KCNIP1: variants seen among roughly 807,000 people sequenced by gnomAD.
The protein encoded by KCNIP1 is A-type potassium channel modulatory protein KCNIP1.
A neutral mutation model predicts 33.0 loss-of-function variants in KCNIP1; 18 were observed. The ratio of observed to expected loss-of-function variants is 0.55; its 90% confidence interval spans 0.38 to 0.81. The LOEUF (loss-of-function observed/expected upper bound fraction) is 0.81, where lower values mean the gene tolerates loss of function less well. Ranked by LOEUF, KCNIP1 falls within the 30% of genes least tolerant of loss-of-function variation. KCNIP1 has a pLI of 0.00. For missense variants in KCNIP1, 238 were observed against 271.6 expected (o/e 0.88, Z 0.87); for synonymous variants, 93 against 98.3 (o/e 0.95, Z 0.32).
chr5:170,452,412 G>A (rs1756276372), intron 1 of KCNIP1, among the ~76,000 whole-genome samples: 1 of 152,174 alleles, frequency 6.6e-6, no homozygotes, highest in African/African-American at 2.4e-5. Flanking sequence ...GGTAGCCATG[G>A]GCACCTCTGA....
At chr5:170,371,011 C>A (rs779785060) in intron 1 of KCNIP1, among the ~76,000 whole-genome samples, 1 of 152,156 alleles carries the variant, frequency 6.6e-6, no homozygotes, top group Non-Finnish European at 1.5e-5. Context: ...TTCTAGAGCG[C>A]ATGATTAAAC....
At chr5:170,662,261 A>G (rs527928898) in intron 1 of KCNIP1, among the ~76,000 whole-genome samples, 3 of 152,254 alleles carry the variant, frequency 2.0e-5, no homozygotes, top group African/African-American at 7.2e-5. Flanking sequence ...CAGTCTAGGT[A>G]GGGTGTTCTT....
intron 1 of KCNIP1, among the ~76,000 whole-genome samples, chr5:170,543,390 G>T (rs1294890984): frequency 6.6e-6 from 1 of 152,096 alleles, no homozygotes; most frequent in Non-Finnish European, 1.5e-5. Flanking sequence ...GCCAAATCTT[G>T]AAAAAATAAA....
intron 5 of KCNIP1, among the ~76,000 whole-genome samples, chr5:170,723,323 C>T (rs1432563772): frequency 6.6e-6 from 1 of 152,162 alleles, no homozygotes; most frequent in Non-Finnish European, 1.5e-5. Context: ...CAGAAATTAT[C>T]ACAAATAATT....
chr5:170,609,979 C>T (rs1759082020), intron 1 of KCNIP1, among the ~76,000 whole-genome samples: 1 of 152,190 alleles, frequency 6.6e-6, no homozygotes, highest in Non-Finnish European at 1.5e-5. Flanking sequence ...ATGGAAAATG[C>T]ATGAGCTCTT....
intron 1 of KCNIP1, among the ~76,000 whole-genome samples, chr5:170,412,123 C>A (rs894557995): frequency 2.0e-5 from 3 of 152,222 alleles, no homozygotes; most frequent in African/African-American, 7.2e-5. Context: ...TGAGGCATAA[C>A]AAACGGACTG....
intron 1 of KCNIP1, among the ~76,000 whole-genome samples, chr5:170,411,291 A>G (rs1755181619): frequency 6.6e-6 from 1 of 152,218 alleles, no homozygotes; most frequent in Non-Finnish European, 1.5e-5. Context: ...TTTACAGATA[A>G]GGAAGCTGAG....
chr5:170,391,621 C>G (rs1561602128), intron 1 of KCNIP1, among the ~76,000 whole-genome samples: 1 of 152,308 alleles, frequency 6.6e-6, no homozygotes, highest in East Asian at 1.9e-4. Flanking sequence ...TTCTCTGACT[C>G]TTCCAACAGC....
At chr5:170,430,550 C>T (rs897995439) in intron 1 of KCNIP1, among the ~76,000 whole-genome samples, 2 of 152,182 alleles carry the variant, frequency 1.3e-5, no homozygotes, top group Non-Finnish European at 2.9e-5. Context: ...CCTATCATAC[C>T]CGGTATGGCT....
At chr5:170,443,535 T>C (rs1175031706) in intron 1 of KCNIP1, among the ~76,000 whole-genome samples, 2 of 152,172 alleles carry the variant, frequency 1.3e-5, no homozygotes, top group Non-Finnish European at 2.9e-5. Context: ...TCTTAGGGGT[T>C]TTGTAGAAAG....
chr5:170,651,619 TG>T (rs1426151843), intron 1 of KCNIP1, among the ~76,000 whole-genome samples: 3 of 152,212 alleles, frequency 2.0e-5, no homozygotes, highest in African/African-American at 7.2e-5. Context: ...TTGTTTTCTT[TG>T]TATGTCTCCT....
In KCNIP1 at chr5:170,384,888, C is replaced by T. The variant is rs75274696; in HGVS notation, c.88+30924C>T. On this transcript the variant is annotated intron_variant, in intron 1 of 7. Transcript: ENST00000377360. ...ATGTTCAGTGAGGCAAGGAGCTCCC[C>T]GTCTCTTGAGGTATTCATCAGGAGG... 2.1e-3 allele frequency among the ~76,000 whole-genome samples: 313 copies of T among 152,298 alleles called. 1 individual carries two copies. Among genetic ancestry groups the T allele is most frequent in the African/African-American group, 7.3e-3 (302 of 41,560 alleles).
At chr5:170,505,563 C>G (rs1247607678) in intron 1 of KCNIP1, among the ~76,000 whole-genome samples, 2 of 152,182 alleles carry the variant, frequency 1.3e-5, no homozygotes, top group Non-Finnish European at 2.9e-5. Flanking sequence ...ATCAGAGCCC[C>G]CATCCTGGAT....
intron 1 of KCNIP1, among the ~76,000 whole-genome samples, chr5:170,434,295 T>A (rs1055490002): frequency 1.3e-5 from 2 of 152,236 alleles, no homozygotes; most frequent in African/African-American, 4.8e-5. Flanking sequence ...AGATTAAGTA[T>A]GTATGTAAGC....
intron 1 of KCNIP1, among the ~76,000 whole-genome samples, chr5:170,699,122 C>A (rs1051743371): frequency 6.6e-6 from 1 of 152,108 alleles, no homozygotes; most frequent in African/African-American, 2.4e-5. Context: ...TCTTCATATA[C>A]AAAATTTGTA....
chr5:170,457,632 T>G (rs4867604), intron 1 of KCNIP1, among the ~76,000 whole-genome samples: 55,522 of 151,924 alleles, frequency 0.37, 10,452 homozygotes, highest in East Asian at 0.62. Flanking sequence ...GCCACATCCC[T>G]AGGAAAAGGG....
rs914897352 is a variant in KCNIP1, at chr5:170,554,378, G to C, written c.61+49745G>C. ...GAGACTTGCTCGATGTTTATTTTCT[G>C]GTTGTCACTCCAGGATTTTAGTTAA... On this transcript the variant is annotated intron_variant, in intron 1 of 7. Transcript: ENST00000328939. 3.1e-4 allele frequency among the ~76,000 whole-genome samples: 47 copies of C among 152,138 alleles called. 1 individual carries two copies. The highest frequency in any genetic ancestry group is 1.1e-3 in the African/African-American group (44 of 41,432).
chr5:170,649,430 G>A (rs564900762), intron 1 of KCNIP1, among the ~76,000 whole-genome samples: 21 of 152,280 alleles, frequency 1.4e-4, no homozygotes, highest in African/African-American at 4.8e-4. Flanking sequence ...CCATTGTTTA[G>A]TTTCTGCACT....
At chr5:170,677,672 G>C (rs1762196317) in intron 1 of KCNIP1, among the ~76,000 whole-genome samples, 1 of 152,124 alleles carries the variant, frequency 6.6e-6, no homozygotes, top group African/African-American at 2.4e-5. Context: ...AGTCTTTTAT[G>C]ATGTCTGGAT....
Sources: allele counts gnomAD v4.1 joint callset (sites outside exome capture counted in the v4.1 genomes callset), GRCh38; gene constraint gnomAD v4.1.1; transcripts MANE v1.5; gene names NCBI Gene and HGNC (gene_info 2026-07-23, HGNC 2026-07-21).